JMJD1C: variants seen among roughly 807,000 people sequenced by gnomAD.
The protein encoded by JMJD1C is jumonji domain containing 1C.
Under a neutral mutation model 245.3 loss-of-function variants are expected in JMJD1C, and 31 were observed. The ratio of observed to expected loss-of-function variants is 0.13; its 90% CI spans 0.09 to 0.17. The LOEUF is 0.17. Among genes scored for constraint, JMJD1C ranks in the 10% least tolerant of loss-of-function variants. The pLI, the probability that JMJD1C is intolerant of heterozygous loss-of-function variation, is 1.00. For synonymous variants in JMJD1C, 1,057 were observed against 1,017.4 expected, an observed-to-expected ratio of 1.04 and a Z score of -0.74; for missense variants, 2,691 against 3,000.2, an observed-to-expected ratio of 0.90 and a Z score of 2.41.
At chr10:63,490,414 T>C (rs1954130406) in intron 1 of JMJD1C, among the ~76,000 whole-genome samples, 1 of 125,998 alleles carries the variant, frequency 7.9e-6, no homozygotes, top group African/African-American at 2.6e-5. Context: ...TAATTATTTA[T>C]TTATTTTATT....
chr10:63,316,089 T>C (rs2134078909), intron 2 of JMJD1C, among the ~76,000 whole-genome samples: 1 of 152,120 alleles, frequency 6.6e-6, no homozygotes, highest in Non-Finnish European at 1.5e-5. Context: ...GGAGGATCAC[T>C]TGAGGCTGAG....
In JMJD1C at chr10:63,420,650, G is replaced by A. The variant is rs531906519; in HGVS notation, c.169-40168C>T. 1.5e-4 allele frequency among the ~76,000 whole-genome samples: 23 copies of A among 150,226 alleles called. No individual in the cohort carries two copies. The South Asian group carries it at 1.9e-3, about 12-fold the overall frequency. On this transcript the variant is annotated intron_variant, in intron 1 of 25. Coordinates refer to ENST00000399262, the MANE Select transcript of JMJD1C (RefSeq NM_032776.3). ...TGAGGCAGGAGGATCACTTGAGCCC[G>A]GGAATCTGAGGAGGCAATGAGCCAT...
chr10:63,466,161 G>C (rs1953266941), upstream of JMJD1C: 1 of 190,358 alleles, frequency 5.3e-6, no homozygotes, highest in African/African-American at 2.4e-5. Flanking sequence ...CGGCGGCAGC[G>C]GGAGACGAAA....
chr10:63,519,041 T>G (rs978289951), intron 1 of JMJD1C, among the ~76,000 whole-genome samples: 3 of 152,234 alleles, frequency 2.0e-5, no homozygotes, highest in Non-Finnish European at 4.4e-5. Context: ...GCTTTTTAAG[T>G]TGTCAGAATG....
In JMJD1C at chr10:63,209,251, A is replaced by G; in HGVS notation, c.2695-16T>C. 1.9e-6 allele frequency: 3 copies of G among 1,579,536 alleles called. No individual in the cohort carries two copies. The highest frequency in any genetic ancestry group is 2.6e-6 in the Non-Finnish European group (3 of 1,164,438). ...TGGGAGAATTCTATTAACAAAACAA[A>G]ACAAAAAAAACACCTAGATTTCAGT... is the stretch of plus-strand genomic sequence containing the variant. On this transcript the variant is annotated splice_polypyrimidine_tract_variant and intron_variant, in intron 8 of 25. Coordinates refer to ENST00000399262, the MANE Select transcript of JMJD1C (RefSeq NM_032776.3).
intron 2 of JMJD1C, among the ~76,000 whole-genome samples, chr10:63,314,794 T>G (rs573868234): frequency 1.3e-5 from 2 of 152,030 alleles, no homozygotes; most frequent in African/African-American, 4.8e-5. Flanking sequence ...ATTATAGGCA[T>G]GCACCACTAC....
intron 3 of JMJD1C, among the ~76,000 whole-genome samples, chr10:63,245,049 A>G (rs1851997117): frequency 6.7e-6 from 1 of 149,560 alleles, no homozygotes; most frequent in Admixed American, 6.7e-5. Flanking sequence ...AGGCATGAGA[A>G]CCTGAACCCA....
At chr10:63,195,310 C>T (rs866299276) in intron 13 of JMJD1C, among the ~76,000 whole-genome samples, 15 of 149,096 alleles carry the variant, frequency 1.0e-4, no homozygotes, top group African/African-American at 3.5e-4. Context: ...GCCGAGATCG[C>T]GCCATTGCAC....
At position 63,207,553 on chromosome 10, in the gene JMJD1C, A is replaced by T; in HGVS notation, c.4116T>A (p.Phe1372Leu). Residue 1372 changes from phenylalanine (F) to leucine (L), a missense_variant, in exon 10 of 26, where the codon TTT (phenylalanine) becomes TTA (leucine). By Grantham distance (22) the Phe-to-Leu change is conservative. Coordinates refer to ENST00000399262, the MANE Select transcript of JMJD1C (RefSeq NM_032776.3). The part of the protein sequence containing the change: ...DSVHTKSEKN[F>L]QAVSQGSVPS... ...GAACACTGCCCTGTGAGACAGCCTG[A>T]AAGTTTTTTTCAGATTTTGTGTGAA... The T allele has an allele frequency of 6.2e-7, 1 of 1,614,178 alleles. No homozygotes were observed. Among genetic ancestry groups the T allele is most frequent in the South Asian group, 1.1e-5 (1 of 91,084 alleles).
chr10:63,276,549 GT>G (rs1856794953), intron 2 of JMJD1C, among the ~76,000 whole-genome samples: 1 of 152,096 alleles, frequency 6.6e-6, no homozygotes, highest in South Asian at 2.1e-4. Context: ...GCTGGACATG[GT>G]GGCAGGTGCC....
intron 1 of JMJD1C, among the ~76,000 whole-genome samples, chr10:63,416,427 C>T (rs187116174): frequency 5.3e-4 from 80 of 151,630 alleles, no homozygotes; most frequent in African/African-American, 1.9e-3. Flanking sequence ...TCATTTTATG[C>T]ATGTTTTTCA....
intron 1 of JMJD1C, among the ~76,000 whole-genome samples, chr10:63,505,693 A>T (rs1206605670): frequency 6.6e-6 from 1 of 152,010 alleles, no homozygotes; most frequent in African/African-American, 2.4e-5. Flanking sequence ...GCATCACAGA[A>T]GATTTGAGCA....
intron 1 of JMJD1C, among the ~76,000 whole-genome samples, chr10:63,414,669 C>T (rs1949696281): frequency 6.6e-6 from 1 of 152,072 alleles, no homozygotes. Flanking sequence ...GGGTGAATCA[C>T]TTGAGGTCAG....
At chr10:63,250,933 G>A (rs530565625) in intron 3 of JMJD1C, among the ~76,000 whole-genome samples, 2 of 152,184 alleles carry the variant, frequency 1.3e-5, no homozygotes, top group Admixed American at 1.3e-4. Flanking sequence ...TTTAGAGACA[G>A]GGTCTCGTTA....
chr10:63,325,548 C>T (rs1490721661), intron 2 of JMJD1C, among the ~76,000 whole-genome samples: 1 of 152,158 alleles, frequency 6.6e-6, no homozygotes, highest in Non-Finnish European at 1.5e-5. Flanking sequence ...CAATTTCTGG[C>T]TCTTTGGACC....
In JMJD1C at chr10:63,234,424, G is replaced by C. The variant is rs7084120; in HGVS notation, c.448-14441C>G. On this transcript the variant is annotated intron_variant, in intron 3 of 25. Transcript: ENST00000399262. ...TGGGAGGATTGCTTGAGCATGGGAG[G>C]TAGAGGCTGCAGTGAGCCACGATCG... Among the ~76,000 whole-genome samples, 377 of 144,040 alleles carry C rather than the reference G, an allele frequency of 2.6e-3. 2 individuals carry two copies. The highest frequency in any genetic ancestry group is 9.3e-3 in the African/African-American group (355 of 38,270). The allele number at this position is 144,040 out of a possible 152,430, so 94.5% of individuals were successfully genotyped here.
chr10:63,290,453 C>CA (rs1445382620), intron 2 of JMJD1C, among the ~76,000 whole-genome samples: 1 of 152,082 alleles, frequency 6.6e-6, no homozygotes, highest in Non-Finnish European at 1.5e-5. Context: ...CCCAGCTACT[C>CA]AGGAGGCTGA....
intron 3 of JMJD1C, among the ~76,000 whole-genome samples, chr10:63,230,363 ACT>A (rs943699370): frequency 1.3e-5 from 2 of 151,986 alleles, no homozygotes; most frequent in African/African-American, 4.8e-5. Flanking sequence ...CAGAGCAAAG[ACT>A]CTGTTTCGAA....
At chr10:63,380,946 T>C (rs969146094) in intron 1 of JMJD1C, among the ~76,000 whole-genome samples, 25 of 152,198 alleles carry the variant, frequency 1.6e-4, no homozygotes, top group African/African-American at 5.5e-4. Context: ...GGAAGGTATA[T>C]TGAAGAGACA....
Sources: allele counts gnomAD v4.1 joint callset (sites outside exome capture counted in the v4.1 genomes callset), GRCh38; gene constraint gnomAD v4.1.1; transcripts MANE v1.5; gene names NCBI Gene and HGNC (gene_info 2026-07-23, HGNC 2026-07-21).